The following TOMM70 variants were observed in gnomAD, a reference collection of about 807,000 sequenced individuals.
TOMM70 encodes mitochondrial import receptor subunit TOM70.
A neutral mutation model predicts 73.6 loss-of-function variants in TOMM70; 13 were observed. The observed-to-expected ratio is 0.18, with a 90% CI of 0.11 to 0.28. The LOEUF is 0.28. Ranked by LOEUF, TOMM70 falls within the 10% of genes least tolerant of loss-of-function variation. The probability of loss-of-function intolerance (pLI) is 1.00; values close to 1 mark genes in which losing one functional copy is unlikely to be tolerated. For synonymous variants in TOMM70, 257 were observed against 271.2 expected (o/e 0.95, Z 0.51); for missense variants, 609 against 747.5 (o/e 0.81, Z 2.16).
At chr3:100,395,542 CA>C (rs59048767) in intron 1 of TOMM70, among the ~76,000 whole-genome samples, 1,856 of 81,034 alleles carry the variant, frequency 0.023, 22 homozygotes, top group African/African-American at 0.054. Flanking sequence ...GACTCCAACT[CA>C]AAAAAAAAAA....
chr3:100,382,296 A>G (rs1308219569), intron 4 of TOMM70, among the ~76,000 whole-genome samples: 1 of 152,232 alleles, frequency 6.6e-6, no homozygotes, highest in African/African-American at 2.4e-5. Context: ...GTTTAATGGA[A>G]ACATGCGATT....
rs1251120257 is a variant in TOMM70 at position 100,386,845 on chromosome 3, G to T, written c.458C>A (p.Ser153Tyr). 2 of 1,614,116 alleles carry T rather than the reference G, an allele frequency of 1.2e-6. No homozygotes were observed. The highest frequency in any genetic ancestry group is 1.3e-5 in the African/African-American group (1 of 75,048). ...AGCAGCTCTGTTTTGATAAAATGTA[G>T]AAAGGTCAACATTCTTCTCTGTAGG... is the stretch of plus-strand genomic sequence containing the variant. ...LCPTEKNVDL[S>Y]TFYQNRAAAF... The change falls in exon 2 of 12, where the codon TCT (serine) becomes TAT (tyrosine). Residue 153 changes from serine (S) to tyrosine (Y), a missense_variant. By Grantham distance (144) the Ser-to-Tyr change is moderately radical (BLOSUM62 -2). Coordinates refer to ENST00000284320, the MANE Select transcript of TOMM70 (RefSeq NM_014820.5).
chr3:100,390,904 C>A (rs1411950949), intron 1 of TOMM70, among the ~76,000 whole-genome samples: 1 of 151,970 alleles, frequency 6.6e-6, no homozygotes, highest in East Asian at 1.9e-4. Flanking sequence ...CTTTGGGAGG[C>A]TGAGGCGGGT....
chr3:100,375,879 G>A (rs1442604245), intron 6 of TOMM70, among the ~76,000 whole-genome samples: 1 of 151,844 alleles, frequency 6.6e-6, no homozygotes, highest in Non-Finnish European at 1.5e-5. Context: ...AATTCTCTTG[G>A]GTATATACCT....
chr3:100,386,126 A>G (rs1003417610), intron 3 of TOMM70, 92 bp downstream of exon 3: 2 of 1,405,474 alleles, frequency 1.4e-6, no homozygotes, highest in Non-Finnish European at 1.9e-6. Flanking sequence ...AAAACAACTG[A>G]TTCTTGCACT....
rs562083719 is a variant in TOMM70, at chr3:100,369,057, T to G, written c.1531A>C (p.Thr511Pro). ...ACATACCCTTTATGAACATATGTTGTAGCATTATCTGGTTCCAAATCAATA... is the reference window on the plus strand; with the variant it reads ...ACATACCCTTTATGAACATATGTTGGAGCATTATCTGGTTCCAAATCAATA... ...KCIDLEPDNA[T>P]TYVHKGLLQL... The change falls in exon 10 of 12, where the codon ACA becomes CCA. Residue 511 changes from threonine (T) to proline (P), a missense_variant. Thr to Pro is a conservative substitution (Grantham distance 38, BLOSUM62 -1). Transcript: ENST00000284320. 1.4e-5 allele frequency: 23 copies of G among 1,609,244 alleles called. No individual in the cohort carries two copies. In the Admixed American group the frequency reaches 2.2e-4, roughly 15 times the overall value.
chr3:100,375,909 C>T (rs534788101), intron 6 of TOMM70, among the ~76,000 whole-genome samples: 32 of 152,086 alleles, frequency 2.1e-4, no homozygotes, highest in Non-Finnish European at 3.8e-4. Context: ...ATTACTAGAT[C>T]ATATGGTAAG....
intron 4 of TOMM70, among the ~76,000 whole-genome samples, chr3:100,383,518 CAAACA>C (rs1405328571): frequency 9.7e-6 from 1 of 103,336 alleles, no homozygotes; most frequent in African/African-American, 3.8e-5. Flanking sequence ...AAGAAAAAAA[CAAACA>C]AAAAAAAAAA....
At chr3:100,395,380 A>C (rs1410584611) in intron 1 of TOMM70, among the ~76,000 whole-genome samples, 2 of 151,792 alleles carry the variant, frequency 1.3e-5, no homozygotes, top group African/African-American at 4.8e-5. Context: ...AAAAACAAAC[A>C]AAAAAACCCA....
In TOMM70 at chr3:100,365,461, T is replaced by C; in HGVS notation, c.*103A>G. On this transcript the variant is annotated 3_prime_UTR_variant, in exon 12 of 12. Transcript: ENST00000284320. Reference sequence around the variant, plus strand: ...CAAATAACAACACCACAAACAGAAATACTGATTTCCACCATTCAACACAGT... The same window carrying C: ...CAAATAACAACACCACAAACAGAAACACTGATTTCCACCATTCAACACAGT... 1.4e-6 allele frequency: 2 copies of C among 1,472,838 alleles called. No individual in the cohort carries two copies. Among genetic ancestry groups the C allele is most frequent in the Non-Finnish European group, 1.8e-6 (2 of 1,086,780 alleles). 91.2% of individuals were successfully genotyped at this position (1,472,838 alleles called of 1,614,324 possible). A position where few individuals can be genotyped will look rare whatever the true frequency, so the allele number is the denominator to read the frequency against.
intron 5 of TOMM70, among the ~76,000 whole-genome samples, chr3:100,380,176 TCTCTA>T (rs1259081750): frequency 3.3e-5 from 5 of 151,932 alleles, no homozygotes; most frequent in Non-Finnish European, 1.5e-5. Flanking sequence ...TGAAACTCCG[TCTCTA>T]CTCAAAATAC....
At chr3:100,398,079 A>G (rs1030809225) in intron 1 of TOMM70, among the ~76,000 whole-genome samples, 6 of 152,072 alleles carry the variant, frequency 3.9e-5, no homozygotes, top group Non-Finnish European at 8.8e-5. Flanking sequence ...TGAAACCACA[A>G]TGAAATGTTA....
In TOMM70 at chr3:100,400,110, T is replaced by C. The variant is rs568213369; in HGVS notation, c.324+516A>G. On this transcript the variant is annotated intron_variant, in intron 1 of 11. Transcript: ENST00000284320. ...CTTTCTTTTTCTATGTAGAAAGCCATCTAATCGTTTTTGTTTTTGTTTTGC... is the reference window on the plus strand; with the variant it reads ...CTTTCTTTTTCTATGTAGAAAGCCACCTAATCGTTTTTGTTTTTGTTTTGC... Among the ~76,000 whole-genome samples the C allele has an allele frequency of 7.2e-5, 11 of 152,266 alleles. No individual in the cohort carries two copies. In the South Asian group the frequency reaches 2.1e-3, roughly 29 times the overall value.
intron 11 of TOMM70, among the ~76,000 whole-genome samples, chr3:100,367,042 A>G (rs1706453826): frequency 6.6e-6 from 1 of 152,158 alleles, no homozygotes; most frequent in Non-Finnish European, 1.5e-5. Flanking sequence ...CAACATGGCA[A>G]AAGCCCATCT....
At chr3:100,377,660 T>C in intron 6 of TOMM70, 45 bp downstream of exon 6, 1 of 1,565,014 alleles carries the variant, frequency 6.4e-7, no homozygotes, top group Admixed American at 1.7e-5. Context: ...ATGAAAGGCA[T>C]CGCCTTCTAT....
At chr3:100,381,816 A>C in intron 4 of TOMM70, 53 bp from the exon 5 acceptor site, 4 of 1,521,464 alleles carry the variant, frequency 2.6e-6, no homozygotes, top group South Asian at 2.6e-5. Flanking sequence ...CAACCAAAGA[A>C]GCAGGTACAT....
At position 100,401,033 on chromosome 3, in the gene TOMM70, G is replaced by C; in HGVS notation, c.-84C>G. ...GCGTGCGAAGGAAGACCGAGGGAGG[G>C]AAGGAAAGCAATGAGCGAGCGAGCA... On this transcript the variant is annotated 5_prime_UTR_variant, in exon 1 of 12. Coordinates refer to ENST00000284320, the MANE Select transcript of TOMM70 (RefSeq NM_014820.5). The C allele has an allele frequency of 7.2e-7, 1 of 1,393,654 alleles. No homozygotes were observed. The highest frequency in any genetic ancestry group is 9.7e-7 in the Non-Finnish European group (1 of 1,026,814). 86.3% of individuals were successfully genotyped at this position (1,393,654 alleles called of 1,614,324 possible).
chr3:100,366,862 G>C lies in TOMM70; in HGVS notation c.1674-1145C>G, dbSNP rs139995673. Among the ~76,000 whole-genome samples the C allele has an allele frequency of 4.0e-3, 614 of 152,172 alleles. 3 individuals carry two copies. Among genetic ancestry groups the C allele is most frequent in the South Asian group, 7.7e-3 (37 of 4,824 alleles). ...CACAGCTTCGCTCAAAAAAGATTAA[G>C]AACTACCACCCTATCCTATTCTAGT... On this transcript the variant is annotated intron_variant, in intron 11 of 11. Transcript: ENST00000284320.
intron 5 of TOMM70, among the ~76,000 whole-genome samples, chr3:100,381,109 C>T (rs1270175211): frequency 1.3e-5 from 2 of 152,120 alleles, no homozygotes; most frequent in Non-Finnish European, 2.9e-5. Context: ...AACACAGTAT[C>T]CTGTACTTTG....
Sources: allele counts gnomAD v4.1 joint callset (sites outside exome capture counted in the v4.1 genomes callset), GRCh38; gene constraint gnomAD v4.1.1; transcripts MANE v1.5; gene names NCBI Gene and HGNC (gene_info 2026-07-23, HGNC 2026-07-21).